The following CASP9 variants were observed in gnomAD, a reference collection of about 807,000 sequenced individuals.
CASP9 encodes the protein caspase-9.
CASP9 carries 29 observed loss-of-function variants against 43.5 expected under a neutral mutation model. The ratio of observed to expected loss-of-function variants is 0.67; its 90% CI spans 0.50 to 0.91. The LOEUF is 0.91. CASP9 is among the 40% of genes least tolerant of loss of function. The pLI is 0.00. For synonymous variants in CASP9, 206 were observed against 211.9 expected (o/e 0.97, Z 0.24); for missense variants, 575 against 537.4 (o/e 1.07, Z -0.69).
intron 1 of CASP9, among the ~76,000 whole-genome samples, chr1:15,523,424 A>T (rs1487691648): frequency 6.6e-6 from 1 of 152,154 alleles, no homozygotes; most frequent in Non-Finnish European, 1.5e-5. Flanking sequence ...GGTTCCCGAA[A>T]CCTCTATGCT....
intron 7 of CASP9, among the ~76,000 whole-genome samples, chr1:15,494,817 C>T (rs1203263309): frequency 3.5e-5 from 5 of 143,620 alleles, no homozygotes; most frequent in African/African-American, 5.3e-5. Flanking sequence ...GACCCAAGAT[C>T]GCGCCACTGC....
intron 2 of CASP9, among the ~76,000 whole-genome samples, chr1:15,513,179 G>C (rs1191581483): frequency 2.0e-5 from 3 of 147,290 alleles, no homozygotes; most frequent in Non-Finnish European, 3.0e-5. Context: ...AAAAAAAAAC[G>C]AACGGCTCAT....
chr1:15,494,694 T>A (rs1326164763), intron 7 of CASP9, among the ~76,000 whole-genome samples: 1 of 151,120 alleles, frequency 6.6e-6, no homozygotes, highest in Non-Finnish European at 1.5e-5. Flanking sequence ...AAACCCCATC[T>A]CTACTAAAAA....
intron 2 of CASP9, among the ~76,000 whole-genome samples, chr1:15,510,500 C>A (rs1709714355): frequency 6.6e-6 from 1 of 152,140 alleles, no homozygotes; most frequent in South Asian, 2.1e-4. Context: ...CCGCTGTACC[C>A]CAAAAATATA....
intron 6 of CASP9, among the ~76,000 whole-genome samples, chr1:15,495,732 A>G (rs1709083341): frequency 6.6e-6 from 1 of 152,176 alleles, no homozygotes; most frequent in South Asian, 2.1e-4. Context: ...GCTCCAAGAT[A>G]GTTGTCTGAT....
chr1:15,506,083 C>A lies in CASP9; in HGVS notation c.631-4G>T, dbSNP rs756091712. 5 of 1,607,270 alleles carry A rather than the reference C, an allele frequency of 3.1e-6. No homozygotes were observed. The highest frequency in any genetic ancestry group is 4.3e-6 in the Non-Finnish European group (5 of 1,173,986). On this transcript the variant is annotated splice_polypyrimidine_tract_variant and splice_region_variant and intron_variant, in intron 4 of 8. Coordinates refer to ENST00000333868, the MANE Select transcript of CASP9 (RefSeq NM_001229.5). ...CCAGCAAAGCCAGCACCATTTTCTACAAGAGAGGGCTGCAGGTGAGCCAGA... is the reference window on the plus strand; with the variant it reads ...CCAGCAAAGCCAGCACCATTTTCTAAAAGAGAGGGCTGCAGGTGAGCCAGA...
chr1:15,493,853 C>T, intron 8 of CASP9, 39 bp downstream of exon 8: 3 of 1,557,734 alleles, frequency 1.9e-6, no homozygotes, highest in South Asian at 1.2e-5. Context: ...TGCCCCTCAG[C>T]AGCCTCCCCT....
At chr1:15,501,976 C>T (rs1206240890) in intron 6 of CASP9, among the ~76,000 whole-genome samples, 1 of 152,154 alleles carries the variant, frequency 6.6e-6, no homozygotes, top group Non-Finnish European at 1.5e-5. Context: ...TCTCAAACTC[C>T]TCGTCTCAAG....
In CASP9 at chr1:15,493,038, G is replaced by T. The variant is rs543529454; in HGVS notation, c.1159-3C>A. On this transcript the variant is annotated splice_region_variant and splice_polypyrimidine_tract_variant and intron_variant, in intron 8 of 8. Coordinates refer to ENST00000333868, the MANE Select transcript of CASP9 (RefSeq NM_001229.5). The stretch of plus-strand genomic sequence containing the variant: ...TTCACCGAAACAGCATTAGCGACCT[G>T]TAAGACATGACCATGGAGAGCTCTG... 4.9e-5 allele frequency: 79 copies of T among 1,613,976 alleles called. No homozygotes were observed. The highest frequency in any genetic ancestry group is 6.6e-5 in the Non-Finnish European group (78 of 1,180,026).
chr1:15,524,875 G>A, upstream of CASP9: 3 of 705,782 alleles, frequency 4.3e-6, no homozygotes, highest in Non-Finnish European at 5.1e-6. Flanking sequence ...GCCGACCCCA[G>A]AATCCATTCC....
chr1:15,515,480 G>A (rs1231725774), intron 2 of CASP9, among the ~76,000 whole-genome samples: 6 of 152,138 alleles, frequency 3.9e-5, no homozygotes, highest in African/African-American at 9.7e-5. Context: ...AGCTCCACAC[G>A]CTGCCATGGG....
At chr1:15,495,911 G>A (rs774653905) in intron 6 of CASP9, among the ~76,000 whole-genome samples, 8 of 152,084 alleles carry the variant, frequency 5.3e-5, no homozygotes, top group Admixed American at 5.2e-4. Flanking sequence ...GTTACCTTAC[G>A]TAAAAATGCA....
Position 15,509,607 on chromosome 1 carries a change from C to T in CASP9, c.419-1700G>A, listed in dbSNP as rs12759381. ...TCGAGATCACGTCATTGCACTCCAG[C>T]CTGGGCAACAAGAGCAAAACTCCAT... On this transcript the variant is annotated intron_variant, in intron 2 of 8. Coordinates refer to ENST00000333868, the MANE Select transcript of CASP9 (RefSeq NM_001229.5). 9.9e-5 allele frequency among the ~76,000 whole-genome samples: 15 copies of T among 151,470 alleles called. No individual in the cohort carries two copies. In the East Asian group the frequency reaches 2.3e-3, roughly 24 times the overall value.
chr1:15,500,766 G>A (rs961999801), intron 6 of CASP9, among the ~76,000 whole-genome samples: 6 of 152,136 alleles, frequency 3.9e-5, no homozygotes, highest in Non-Finnish European at 8.8e-5. Flanking sequence ...GATGGTGCTG[G>A]GTCTGCCTGG....
Position 15,491,537 on chromosome 1 carries a change from C to G in CASP9, c.*1406G>C, listed in dbSNP as rs555343337. 1.9e-6 allele frequency: 1 copy of G among 538,026 alleles called. No individual in the cohort carries two copies. The highest frequency in any genetic ancestry group is 1.9e-5 in the African/African-American group (1 of 52,354). 33.3% of individuals were successfully genotyped at this position (538,026 alleles called of 1,614,324 possible). A position where few individuals can be genotyped will look rare whatever the true frequency, so the allele number is the denominator to read the frequency against. On this transcript the variant is annotated 3_prime_UTR_variant, in exon 9 of 9. Transcript: ENST00000333868. ...CTTTGGGAGGCTAAGGCAGGCTGATCGCTTGAGTCCAGGAGTTCAAGACCA... is the reference window on the plus strand; with the variant it reads ...CTTTGGGAGGCTAAGGCAGGCTGATGGCTTGAGTCCAGGAGTTCAAGACCA...
upstream of CASP9, chr1:15,524,580 G>A: frequency 1.2e-6 from 1 of 856,842 alleles, no homozygotes; most frequent in Non-Finnish European, 1.4e-6. Context: ...TCCCCGCACT[G>A]ACCTCACGTC....
rs1709452508 is a variant in CASP9 at position 15,504,690 on chromosome 1, A to C, written c.789T>G (p.Ile263Met). 6.2e-7 allele frequency: 1 copy of C among 1,614,120 alleles called. No homozygotes were observed. ...TDGCPVSVEK[I>M]VNIFNGTSCP... ...AGCTGGTCCCATTGAAGATGTTCAC[A>C]ATCTTCTCGACCGACACAGGGCATC... Residue 263 changes from isoleucine (I) to methionine (M), a missense_variant, in exon 6 of 9, where the codon ATT (isoleucine) becomes ATG (methionine). By Grantham distance (10) the Ile-to-Met change is conservative. Transcript: ENST00000333868.
chr1:15,517,874 A>G (rs1040666754), intron 2 of CASP9, among the ~76,000 whole-genome samples: 2 of 152,090 alleles, frequency 1.3e-5, no homozygotes, highest in African/African-American at 4.8e-5. Context: ...AAAAAAACAA[A>G]AACAAAAACA....
chr1:15,521,082 G>A lies in CASP9; in HGVS notation c.133-2687C>T, dbSNP rs541077921. Reference sequence around the variant, plus strand: ...TGAGGGAGGAGAATGGCATGAACCCGGGAGGCGGAGCTTGCAGTGAGCCGA... The same window carrying A: ...TGAGGGAGGAGAATGGCATGAACCCAGGAGGCGGAGCTTGCAGTGAGCCGA... On this transcript the variant is annotated intron_variant, in intron 1 of 8. Coordinates refer to ENST00000333868, the MANE Select transcript of CASP9 (RefSeq NM_001229.5). Among the ~76,000 whole-genome samples, 17 of 151,732 alleles carry A rather than the reference G, an allele frequency of 1.1e-4. 1 individual carries two copies. Among genetic ancestry groups the A allele is most frequent in the East Asian group, 3.9e-4 (2 of 5,152 alleles).
Sources: allele counts gnomAD v4.1 joint callset (sites outside exome capture counted in the v4.1 genomes callset), GRCh38; gene constraint gnomAD v4.1.1; transcripts MANE v1.5; gene names NCBI Gene and HGNC (gene_info 2026-07-23, HGNC 2026-07-21).